Variants in CELF2 observed in about 807,000 individuals in gnomAD.
CELF2 encodes the protein CUG triplet repeat RNA-binding protein 2.
Under a neutral mutation model 62.6 loss-of-function variants are expected in CELF2, and 8 were observed. That is an observed-to-expected ratio of 0.13 (90% CI 0.07 to 0.23). The LOEUF (loss-of-function observed/expected upper bound fraction) is 0.23, where lower values mean the gene tolerates loss of function less well. CELF2 is among the 10% of genes least tolerant of loss of function. The pLI, the probability that CELF2 is intolerant of heterozygous loss-of-function variation, is 1.00. For synonymous variants in CELF2, 258 were observed against 250.0 expected, an observed-to-expected ratio of 1.03 and a Z score of -0.30; for missense variants, 333 against 671.0, an observed-to-expected ratio of 0.50 and a Z score of 5.56.
chr10:10,973,636 A>G (rs2051008509), intron 2 of CELF2, among the ~76,000 whole-genome samples: 1 of 152,174 alleles, frequency 6.6e-6, no homozygotes, highest in Non-Finnish European at 1.5e-5. Flanking sequence ...GCTCAGTCAT[A>G]GCTCACTGCA....
At position 11,330,452 on chromosome 10, in the gene CELF2, C is replaced by T. The variant is rs958003397; in HGVS notation, c.*1399C>T. 6.6e-6 allele frequency: 1 copy of T among 152,484 alleles called. No individual in the cohort carries two copies. The highest frequency in any genetic ancestry group is 1.5e-5 in the Non-Finnish European group (1 of 68,028). The allele number at this position is 152,484 out of a possible 1,614,324, so 9.4% of individuals were successfully genotyped here. On this transcript the variant is annotated 3_prime_UTR_variant, in exon 13 of 13. Coordinates refer to ENST00000633077, the MANE Select transcript of CELF2 (RefSeq NM_001326342.2). The surrounding 1 kb of genome is among the most constrained non-coding windows in gnomAD (Gnocchi z 4.5). ...CTTTTTACTCTTCCTTGTTTTTTCCCTAGACATCTTCATGCCCGTTAGTTC... is the reference window on the plus strand; with the variant it reads ...CTTTTTACTCTTCCTTGTTTTTTCCTTAGACATCTTCATGCCCGTTAGTTC...
At chr10:11,259,555 A>C (rs2079849537) in intron 5 of CELF2, among the ~76,000 whole-genome samples, 1 of 152,184 alleles carries the variant, frequency 6.6e-6, no homozygotes, top group South Asian at 2.1e-4. Flanking sequence ...CACTGTATTG[A>C]GTGTGATCCT....
intron 1 of CELF2, among the ~76,000 whole-genome samples, chr10:11,137,898 A>C (rs1421105379): frequency 6.6e-6 from 1 of 152,238 alleles, no homozygotes; most frequent in East Asian, 1.9e-4. Flanking sequence ...GTACCCAAAG[A>C]GGAGAATCTG....
chr10:10,734,679 G>A, the CELF2 span, among the ~76,000 whole-genome samples: 1 of 152,226 alleles, frequency 6.6e-6, no homozygotes, highest in Non-Finnish European at 1.5e-5. Context: ...AGAGAAAAGG[G>A]AAGGAAATAG....
At chr10:11,127,553 C>A (rs1428818154) in intron 1 of CELF2, among the ~76,000 whole-genome samples, 1 of 152,108 alleles carries the variant, frequency 6.6e-6, no homozygotes, top group Non-Finnish European at 1.5e-5. Flanking sequence ...TCTGCAGCAT[C>A]TGTTGTTTCC....
chr10:11,004,333 A>C (rs910688279), upstream of CELF2, among the ~76,000 whole-genome samples: 2 of 151,724 alleles, frequency 1.3e-5, no homozygotes, highest in South Asian at 4.2e-4. The surrounding 1 kb of genome is among the most constrained non-coding windows in gnomAD (Gnocchi z 5.0). Context: ...GTCAGCACAC[A>C]CCTCCTGGAA....
chr10:10,607,223 G>T, the CELF2 span, among the ~76,000 whole-genome samples: 1 of 152,008 alleles, frequency 6.6e-6, no homozygotes. Flanking sequence ...TAATGTAACT[G>T]CTCTTTGGTG....
chr10:10,598,673 CTACTGAACAA>C, the CELF2 span, among the ~76,000 whole-genome samples: 1 of 151,276 alleles, frequency 6.6e-6, no homozygotes, highest in African/African-American at 2.4e-5. Context: ...GAATTCAGAC[CTACTGAACAA>C]TTATGGGATT....
chr10:11,067,614 T>G (rs1017977701), intron 1 of CELF2, among the ~76,000 whole-genome samples: 1 of 152,192 alleles, frequency 6.6e-6, no homozygotes, highest in Non-Finnish European at 1.5e-5. Context: ...TGATTTAAAT[T>G]GGATCATAGC....
At chr10:10,599,723 T>TTC in the CELF2 span, among the ~76,000 whole-genome samples, 54 of 127,582 alleles carry the variant, frequency 4.2e-4, no homozygotes, top group Non-Finnish European at 6.0e-4. Flanking sequence ...TTTTCTTTCT[T>TTC]TCTTTTTTTT....
chr10:11,229,425 G>A (rs1489908703), intron 3 of CELF2, among the ~76,000 whole-genome samples: 1 of 152,090 alleles, frequency 6.6e-6, no homozygotes, highest in Non-Finnish European at 1.5e-5. Flanking sequence ...AACCGATGAA[G>A]ACAAAGGAAA....
At chr10:10,736,060 G>T in the CELF2 span, among the ~76,000 whole-genome samples, 1 of 152,100 alleles carries the variant, frequency 6.6e-6, no homozygotes, top group Non-Finnish European at 1.5e-5. Flanking sequence ...AAGGAAATTG[G>T]ACTAGATTTT....
In CELF2 at chr10:11,197,040, A is replaced by AGAAG. The variant is rs1565231888; in HGVS notation, c.272-20382_272-20381insGGAA. ...AGAAAGAAAGAAAAGAAAGAAAGAA[A>AGAAG]GAAAGAAAGAAAGAAAGAAAAGAAA... On this transcript the variant is annotated intron_variant, in intron 2 of 12. Transcript: ENST00000633077. Among the ~76,000 whole-genome samples, 31 of 28,112 alleles carry AGAAG rather than the reference A, an allele frequency of 1.1e-3. 1 individual carries two copies. Among genetic ancestry groups the AGAAG allele is most frequent in the African/African-American group, 8.3e-3 (31 of 3,734 alleles). The allele number at this position is 28,112 out of a possible 152,430, so 18.4% of individuals were successfully genotyped here.
intron 1 of CELF2, among the ~76,000 whole-genome samples, chr10:11,067,871 TATTCAGTTGGCAAG>T (rs2068590397): frequency 6.6e-6 from 1 of 152,228 alleles, no homozygotes; most frequent in African/African-American, 2.4e-5. Context: ...AAAATGGGAA[TATTCAGTTGGCAAG>T]ATTTTGAGAA....
chr10:10,704,339 C>G, the CELF2 span, among the ~76,000 whole-genome samples: 1 of 152,064 alleles, frequency 6.6e-6, no homozygotes, highest in East Asian at 1.9e-4. Flanking sequence ...ACCCACTCAT[C>G]TGCAAGATTA....
chr10:10,686,193 AT>A, the CELF2 span, among the ~76,000 whole-genome samples: 1 of 151,958 alleles, frequency 6.6e-6, no homozygotes, highest in Non-Finnish European at 1.5e-5. Flanking sequence ...AGGATTGCAG[AT>A]TACCTGGGAA....
chr10:10,856,816 C>T (rs777480199), intron 1 of CELF2, among the ~76,000 whole-genome samples: 4 of 152,224 alleles, frequency 2.6e-5, no homozygotes, highest in African/African-American at 7.2e-5. Flanking sequence ...TAGTATCTTC[C>T]GTCTTCAAAC....
intron 1 of CELF2, among the ~76,000 whole-genome samples, chr10:11,139,977 G>A (rs1056293946): frequency 1.3e-5 from 2 of 151,646 alleles, no homozygotes; most frequent in African/African-American, 4.9e-5. Context: ...TTTCTCACTT[G>A]CGTTATTTTC....
the CELF2 span, among the ~76,000 whole-genome samples, chr10:10,497,832 G>A: frequency 6.6e-6 from 1 of 152,220 alleles, no homozygotes; most frequent in Non-Finnish European, 1.5e-5. Context: ...ACAGGAAGCT[G>A]TGGGAGGGTT....
Sources: allele counts gnomAD v4.1 joint callset (sites outside exome capture counted in the v4.1 genomes callset), GRCh38; gene constraint gnomAD v4.1.1; non-coding constraint Gnocchi (gnomAD v3.1); transcripts MANE v1.5; gene names NCBI Gene and HGNC (gene_info 2026-07-23, HGNC 2026-07-21).